Variants in GALNT15 observed in about 807,000 individuals in gnomAD.
The protein encoded by GALNT15 is UDP-GalNAc transferase T15.
In GALNT15, 67 loss-of-function variants were observed where a neutral mutation model predicts 66.8. That is an observed-to-expected ratio of 1.00 (90% CI 0.82 to 1.23). The LOEUF is 1.23. Ranked by LOEUF, GALNT15 falls within the 50% of genes most tolerant of loss-of-function variation. The pLI, the probability that GALNT15 is intolerant of heterozygous loss-of-function variation, is 0.00. For missense variants in GALNT15, 827 were observed against 804.3 expected (o/e 1.03, Z -0.34); for synonymous variants, 313 against 311.5 (o/e 1.00, Z -0.05).
the GALNT15 span, among the ~76,000 whole-genome samples, chr3:16,246,945 T>G: frequency 6.6e-6 from 1 of 152,216 alleles, no homozygotes. Flanking sequence ...ATATTCACAG[T>G]GTTTGCTGTT....
chr3:16,212,625 C>G lies in GALNT15; in HGVS notation c.1254C>G (p.Ile418Met). 2 of 1,614,040 alleles carry G rather than the reference C, an allele frequency of 1.2e-6. No individual in the cohort carries two copies. Among genetic ancestry groups the G allele is most frequent in the Non-Finnish European group, 1.7e-6 (2 of 1,180,008 alleles). ...TTCCCTGCTCTCGGGTAGGACACAT[C>G]TACCAAAATCAGGATTCCCATTCCC... ...EILPCSRVGH[I>M]YQNQDSHSPL... The change falls in exon 6 of 10, where the codon ATC becomes ATG. Residue 418 changes from isoleucine (I) to methionine (M), a missense_variant. By Grantham distance (10) the Ile-to-Met change is conservative (BLOSUM62 1). Transcript: ENST00000339732.
rs779300242 is a variant in GALNT15 at position 16,212,651 on chromosome 3, C to T, written c.1280C>T (p.Pro427Leu). ...TACCAAAATCAGGATTCCCATTCCC[C>T]CCTCGACCAGGAGGCCACCCTGAGG... is the stretch of plus-strand genomic sequence containing the variant. Reference protein sequence around the residue: ...HIYQNQDSHSPLDQEATLRNR... With the variant: ...HIYQNQDSHSLLDQEATLRNR... Residue 427 changes from proline (P) to leucine (L), a missense_variant, in exon 6 of 10, where the codon CCC becomes CTC. Physicochemically the swap from Pro to Leu is moderately conservative, Grantham distance 98. Coordinates refer to ENST00000339732, the MANE Select transcript of GALNT15 (RefSeq NM_054110.5). 8 of 1,613,964 alleles carry T rather than the reference C, an allele frequency of 5.0e-6. No homozygotes were observed. Among genetic ancestry groups the T allele is most frequent in the Non-Finnish European group, 6.8e-6 (8 of 1,179,978 alleles).
intron 8 of GALNT15, 152 bp downstream of exon 8, chr3:16,220,166 C>T: frequency 1.5e-6 from 1 of 653,974 alleles, no homozygotes; most frequent in Non-Finnish European, 2.8e-6. Context: ...TGTAATGACT[C>T]ATCACAGCTC....
In GALNT15 at chr3:16,211,146, G is replaced by A; in HGVS notation, c.1102G>A (p.Val368Met). ...CAGGAGCCCTGTGGTGCCCGGAGAG[G>A]TGGTGGCCATGGACAGACATTACTT... Reference protein sequence around the residue: ...PIRSPVVPGEVVAMDRHYFQN... With the variant: ...PIRSPVVPGEMVAMDRHYFQN... Residue 368 changes from valine to methionine, a missense_variant, in exon 5 of 10, where the codon GTG becomes ATG. Physicochemically the swap from Val to Met is conservative, Grantham distance 21. Transcript: ENST00000339732. The surrounding 1 kb of genome is among the most constrained non-coding windows in gnomAD (Gnocchi z 4.3). The A allele has an allele frequency of 1.2e-6, 2 of 1,613,726 alleles. No individual in the cohort carries two copies. Among genetic ancestry groups the A allele is most frequent in the East Asian group, 2.2e-5 (1 of 44,884 alleles).
At position 16,186,547 on chromosome 3, in the gene GALNT15, C is replaced by T. The variant is rs1184506511; in HGVS notation, c.540-9213C>T. 6.6e-6 allele frequency among the ~76,000 whole-genome samples: 1 copy of T among 152,192 alleles called. No homozygotes were observed. The highest frequency in any genetic ancestry group is 6.5e-5 in the Admixed American group (1 of 15,278). ...AAATAGGAGCAATCCAAATGTCCAT[C>T]AGCTGATGAATGGACAAACAAAATG... On this transcript the variant is annotated intron_variant, in intron 1 of 9. Coordinates refer to ENST00000339732, the MANE Select transcript of GALNT15 (RefSeq NM_054110.5). This position sits in a 1 kb window ranked among gnomAD's most constrained non-coding sequence, Gnocchi z 5.1.
Position 16,176,939 on chromosome 3 carries a change from C to T in GALNT15, c.539+1249C>T, listed in dbSNP as rs2063416854. On this transcript the variant is annotated intron_variant, in intron 1 of 9. Transcript: ENST00000339732. The surrounding 1 kb of genome is among the most constrained non-coding windows in gnomAD (Gnocchi z 5.6). ...GCCCCGGGTGCCTCACTCACCGCAC[C>T]CTACTTCCATTTCAAACCCGCTACA... Among the ~76,000 whole-genome samples, 1 of 152,094 alleles carries T rather than the reference C, an allele frequency of 6.6e-6. No individual in the cohort carries two copies. Among genetic ancestry groups the T allele is most frequent in the African/African-American group, 2.4e-5 (1 of 41,416 alleles).
chr3:16,195,101 A>G lies in GALNT15; in HGVS notation c.540-659A>G, dbSNP rs1574976575. On this transcript the variant is annotated intron_variant, in intron 1 of 9. Coordinates refer to ENST00000339732, the MANE Select transcript of GALNT15 (RefSeq NM_054110.5). This position sits in a 1 kb window ranked among gnomAD's most constrained non-coding sequence, Gnocchi z 4.6. The stretch of plus-strand genomic sequence containing the variant: ...GTGTCCCTGACCTTGAATGGATGAC[A>G]GAGATTACTGGACACTTAACTACAC... Among the ~76,000 whole-genome samples, 1 of 152,366 alleles carries G rather than the reference A, an allele frequency of 6.6e-6. No homozygotes were observed. The highest frequency in any genetic ancestry group is 1.9e-4 in the East Asian group (1 of 5,196).
At chr3:16,213,391 T>C (rs1458340165) in intron 6 of GALNT15, among the ~76,000 whole-genome samples, 2 of 124,696 alleles carry the variant, frequency 1.6e-5, no homozygotes, top group African/African-American at 3.2e-5. Context: ...GGAGGTGGAG[T>C]TTGAGGTGAG....
downstream of GALNT15, among the ~76,000 whole-genome samples, chr3:16,233,603 A>G (rs1344561006): frequency 2.6e-5 from 4 of 151,486 alleles, no homozygotes; most frequent in Non-Finnish European, 4.4e-5. Flanking sequence ...ACTTTCCTCT[A>G]CTTCTCATCT....
chr3:16,236,104 CAAA>C (rs558670542), downstream of GALNT15, among the ~76,000 whole-genome samples: 50 of 23,394 alleles, frequency 2.1e-3, no homozygotes, highest in South Asian at 5.0e-3. Context: ...GACTATGTCT[CAAA>C]AAAAAAAAAA....
intron 1 of GALNT15, among the ~76,000 whole-genome samples, chr3:16,177,206 G>T (rs1453567795): frequency 6.6e-6 from 1 of 152,180 alleles, no homozygotes; most frequent in African/African-American, 2.4e-5. Context: ...AGAAGTGATT[G>T]CTGAATGAAC....
At chr3:16,240,492 A>G in the GALNT15 span, among the ~76,000 whole-genome samples, 1 of 152,212 alleles carries the variant, frequency 6.6e-6, no homozygotes, top group Admixed American at 6.5e-5. Flanking sequence ...AGATATTTCA[A>G]AAACATTTCC....
At chr3:16,226,400 A>G (rs956577227) in intron 9 of GALNT15, among the ~76,000 whole-genome samples, 2 of 119,388 alleles carry the variant, frequency 1.7e-5, no homozygotes, top group African/African-American at 4.2e-5. Context: ...GTAGTTTATG[A>G]AAAAAAAAGA....
intron 6 of GALNT15, among the ~76,000 whole-genome samples, chr3:16,216,314 A>G (rs2063876975): frequency 6.6e-6 from 1 of 151,592 alleles, no homozygotes; most frequent in Non-Finnish European, 1.5e-5. Context: ...CCTGGGCAAC[A>G]TGGTGAAACC....
At chr3:16,179,418 A>C (rs142437999) in intron 1 of GALNT15, among the ~76,000 whole-genome samples, 1 of 152,278 alleles carries the variant, frequency 6.6e-6, no homozygotes, top group Non-Finnish European at 1.5e-5. Context: ...AAGTGTTTTC[A>C]TCTTAAAATG....
chr3:16,197,847 A>G (rs1324451283), intron 2 of GALNT15, among the ~76,000 whole-genome samples: 3 of 152,192 alleles, frequency 2.0e-5, no homozygotes, highest in African/African-American at 4.8e-5. Context: ...CCACTCAGAC[A>G]TGGGTGCTCT....
At chr3:16,213,180 G>T (rs1033001652) in intron 6 of GALNT15, among the ~76,000 whole-genome samples, 20 of 152,086 alleles carry the variant, frequency 1.3e-4, no homozygotes, top group African/African-American at 4.8e-4. Context: ...CAAAGGCCAG[G>T]CGCGGTGGCT....
At position 16,211,860 on chromosome 3, in the gene GALNT15, C is replaced by A. The variant is rs1203313680; in HGVS notation, c.1197+619C>A. 1.3e-5 allele frequency among the ~76,000 whole-genome samples: 2 copies of A among 152,236 alleles called. No individual in the cohort carries two copies. The highest frequency in any genetic ancestry group is 4.8e-5 in the African/African-American group (2 of 41,458). On this transcript the variant is annotated intron_variant, in intron 5 of 9. Coordinates refer to ENST00000339732, the MANE Select transcript of GALNT15 (RefSeq NM_054110.5). This position sits in a 1 kb window ranked among gnomAD's most constrained non-coding sequence, Gnocchi z 4.3. The stretch of plus-strand genomic sequence containing the variant: ...CGCTTGTATTCTGCATGAAGTCCAA[C>A]AGATGTCACCGTGTTTCTCTCAAAA...
chr3:16,216,806 C>G (rs747705875), intron 6 of GALNT15, among the ~76,000 whole-genome samples: 1 of 152,196 alleles, frequency 6.6e-6, no homozygotes. Flanking sequence ...AGGTCATGTA[C>G]CAGTTAAACG....
Sources: gnomAD v4.1 joint callset for allele counts (sites outside exome capture counted in the v4.1 genomes callset) on GRCh38, gnomAD v4.1.1 for gene constraint, Gnocchi (gnomAD v3.1) non-coding constraint, MANE v1.5 for transcripts, NCBI Gene and HGNC (gene_info 2026-07-23, HGNC 2026-07-21) for gene names.